Variants in ZNF420 observed in about 807,000 individuals in gnomAD.
ZNF420 encodes ATM and p53-associated KZNF protein.
In ZNF420, 31 loss-of-function variants were observed where a neutral mutation model predicts 44.7. The observed-to-expected ratio is 0.69, with a 90% CI of 0.52 to 0.94. ZNF420 has a LOEUF of 0.94. ZNF420 is among the 40% of genes least tolerant of loss of function. ZNF420 has a pLI of 0.00. For missense variants in ZNF420, 681 were observed against 827.9 expected, an observed-to-expected ratio of 0.82 and a Z score of 2.18; for synonymous variants, 245 against 267.4, an observed-to-expected ratio of 0.92 and a Z score of 0.82.
intron 1 of ZNF420, among the ~76,000 whole-genome samples, chr19:37,037,643 C>T (rs769264127): frequency 6.6e-6 from 1 of 152,118 alleles, no homozygotes; most frequent in Non-Finnish European, 1.5e-5. Flanking sequence ...GTGGACAGTT[C>T]GGGAAGACTT....
At chr19:37,090,222 A>T (rs1969051840) in intron 3 of ZNF420, among the ~76,000 whole-genome samples, 1 of 152,210 alleles carries the variant, frequency 6.6e-6, no homozygotes, top group South Asian at 2.1e-4. Flanking sequence ...TATGTGTAGC[A>T]GGCCAGGTGC....
intron 4 of ZNF420, among the ~76,000 whole-genome samples, chr19:37,105,545 A>G (rs530553108): frequency 1.7e-4 from 26 of 152,282 alleles, no homozygotes; most frequent in South Asian, 6.2e-4. Flanking sequence ...AGTCATTGGT[A>G]GCTTGATGGG....
intron 1 of ZNF420, among the ~76,000 whole-genome samples, chr19:37,078,955 A>G (rs1968270319): frequency 6.6e-6 from 1 of 152,110 alleles, no homozygotes; most frequent in Non-Finnish European, 1.5e-5. Flanking sequence ...TGGATTTGCC[A>G]GTAAATTTAA....
At chr19:37,036,377 A>G (rs1967355075) in intron 1 of ZNF420, among the ~76,000 whole-genome samples, 1 of 152,202 alleles carries the variant, frequency 6.6e-6, no homozygotes, top group African/African-American at 2.4e-5. Context: ...ATGTATCAAT[A>G]AAAACAAAAA....
intron 1 of ZNF420, among the ~76,000 whole-genome samples, chr19:37,014,596 T>A (rs2074596146): frequency 6.6e-6 from 1 of 152,170 alleles, no homozygotes; most frequent in African/African-American, 2.4e-5. Context: ...CCGCCGCCGG[T>A]CCATCTCTAG....
At chr19:37,052,661 C>T (rs1043839157) in intron 1 of ZNF420, among the ~76,000 whole-genome samples, 2 of 152,276 alleles carry the variant, frequency 1.3e-5, no homozygotes, top group East Asian at 1.9e-4. Context: ...GTTGGAAATT[C>T]TTTTCTTTAA....
chr19:37,018,497 T>A (rs2074623752), intron 1 of ZNF420, among the ~76,000 whole-genome samples: 1 of 152,222 alleles, frequency 6.6e-6, no homozygotes, highest in South Asian at 2.1e-4. Context: ...AATGGGGATA[T>A]GACAGGGTTC....
At chr19:37,112,110 T>A (rs1970413292) in intron 4 of ZNF420, among the ~76,000 whole-genome samples, 1 of 152,064 alleles carries the variant, frequency 6.6e-6, no homozygotes, top group Non-Finnish European at 1.5e-5. Context: ...TTTTTCTGTT[T>A]TCCAAGTTAA....
chr19:37,064,441 A>G (rs1292647069), intron 1 of ZNF420, among the ~76,000 whole-genome samples: 1 of 152,078 alleles, frequency 6.6e-6, no homozygotes, highest in Admixed American at 6.6e-5. Context: ...ACAGGTTCCT[A>G]TCATTCTTTG....
At chr19:37,114,744 A>AG (rs71177424) in intron 4 of ZNF420, among the ~76,000 whole-genome samples, 152,187 of 152,188 alleles carry the variant, frequency 1, 76,093 homozygotes, top group Middle Eastern at 1. Flanking sequence ...CACATTTTCC[A>AG]GGGCATCAGA....
chr19:37,115,533 A>T (rs1277055938), intron 4 of ZNF420, among the ~76,000 whole-genome samples: 2 of 151,854 alleles, frequency 1.3e-5, no homozygotes, highest in Non-Finnish European at 2.9e-5. Context: ...GTATACAAAC[A>T]TCTCGGTGCA....
chr19:37,063,277 AT>A (rs1443874067), intron 1 of ZNF420, among the ~76,000 whole-genome samples: 1 of 152,100 alleles, frequency 6.6e-6, no homozygotes, highest in Non-Finnish European at 1.5e-5. Flanking sequence ...AGAAAACCCA[AT>A]TCCCCCTGAG....
At chr19:37,070,905 GCCCA>G (rs1199612563) in intron 1 of ZNF420, among the ~76,000 whole-genome samples, 1 of 152,118 alleles carries the variant, frequency 6.6e-6, no homozygotes, top group African/African-American at 2.4e-5. Context: ...GCAAACTATG[GCCCA>G]CAGGCTAGAT....
intron 1 of ZNF420, among the ~76,000 whole-genome samples, chr19:37,048,683 T>C (rs930425711): frequency 2.6e-5 from 4 of 152,166 alleles, no homozygotes; most frequent in South Asian, 4.1e-4. Flanking sequence ...GGCCACAATG[T>C]CACACTCTTT....
chr19:37,039,218 A>G (rs1967411349), intron 1 of ZNF420, among the ~76,000 whole-genome samples: 1 of 152,194 alleles, frequency 6.6e-6, no homozygotes, highest in African/African-American at 2.4e-5. Flanking sequence ...TCTTAATGGC[A>G]TCTACAATAG....
At chr19:37,055,430 C>T (rs1182098702) in intron 1 of ZNF420, among the ~76,000 whole-genome samples, 2 of 152,160 alleles carry the variant, frequency 1.3e-5, no homozygotes, top group Non-Finnish European at 2.9e-5. Context: ...TCAAAAAGGC[C>T]CTGAGGACAG....
chr19:37,116,994 G>A (rs577356598), intron 4 of ZNF420, among the ~76,000 whole-genome samples: 7 of 152,196 alleles, frequency 4.6e-5, no homozygotes, highest in Non-Finnish European at 7.3e-5. Flanking sequence ...GCTAAAGGAG[G>A]CCTTCCTGCC....
chr19:37,026,229 C>T lies in ZNF420; in HGVS notation c.-125+18147C>T, dbSNP rs1039480657. 1.3e-5 allele frequency among the ~76,000 whole-genome samples: 2 copies of T among 152,052 alleles called. 1 individual carries two copies. The highest frequency in any genetic ancestry group is 1.3e-4 in the Admixed American group (2 of 15,264). ...CTGGAGTGCAGTGGCACCATCTCAG[C>T]TCACTGCAACCTCCGCCTCCTGGGC... On this transcript the variant is annotated intron_variant, in intron 1 of 4. Transcript: ENST00000587029.
In ZNF420 at chr19:37,128,531, C is replaced by T. The variant is rs1233800530; in HGVS notation, c.1540C>T (p.Gln514Ter). Residue 514 changes from glutamine (Q) to a stop codon, truncating the protein, a stop_gained, in exon 5 of 5, where the codon CAG (glutamine) becomes TAG (stop). Transcript: ENST00000337995. LOFTEE classifies it high-confidence loss of function. ...TAAAGAATGTAGAATGGCCTTTACTCAGAGTTCACATCTTTCCCAACATCA... is the reference window on the plus strand; with the variant it reads ...TAAAGAATGTAGAATGGCCTTTACTTAGAGTTCACATCTTTCCCAACATCA... ...ECKECRMAFT[Q>*]SSHLSQHQRL... 6.2e-7 allele frequency: 1 copy of T among 1,613,858 alleles called. No individual in the cohort carries two copies. The highest frequency in any genetic ancestry group is 8.5e-7 in the Non-Finnish European group (1 of 1,179,954).
Sources: gnomAD v4.1 joint callset for allele counts (sites outside exome capture counted in the v4.1 genomes callset) on GRCh38, gnomAD v4.1.1 for gene constraint, MANE v1.5 for transcripts, NCBI Gene and HGNC (gene_info 2026-07-23, HGNC 2026-07-21) for gene names.